Variants in TBC1D14 observed in about 807,000 individuals in gnomAD.
TBC1D14 encodes TBC1 domain family member 14.
A neutral mutation model predicts 79.0 loss-of-function variants in TBC1D14; 26 were observed. That is an observed-to-expected ratio of 0.33 (90% CI 0.24 to 0.46). The LOEUF is 0.46. Ranked by LOEUF, TBC1D14 falls within the 20% of genes least tolerant of loss-of-function variation. TBC1D14 has a pLI of 1.00. For synonymous variants in TBC1D14, 394 were observed against 349.9 expected (o/e 1.13, Z -1.40); for missense variants, 769 against 887.6 (o/e 0.87, Z 1.70).
At chr4:7,002,955 T>A (rs1224505061) in intron 7 of TBC1D14, among the ~76,000 whole-genome samples, 1 of 152,124 alleles carries the variant, frequency 6.6e-6, no homozygotes, top group African/African-American at 2.4e-5. Flanking sequence ...CTCTGGCTCG[T>A]GTGTGTGGGG....
chr4:7,015,233 T>C (rs991455322), intron 12 of TBC1D14, among the ~76,000 whole-genome samples: 1 of 151,656 alleles, frequency 6.6e-6, no homozygotes, highest in Non-Finnish European at 1.5e-5. Flanking sequence ...CGGCGAGTTT[T>C]AAGTTACCTG....
At chr4:7,000,303 C>T (rs1438799438) in intron 6 of TBC1D14, among the ~76,000 whole-genome samples, 2 of 152,200 alleles carry the variant, frequency 1.3e-5, no homozygotes, top group African/African-American at 4.8e-5. Context: ...TTCCCGTCGA[C>T]TGCACACGGA....
At chr4:6,951,963 G>C (rs201392780) in intron 2 of TBC1D14, among the ~76,000 whole-genome samples, 1 of 152,140 alleles carries the variant, frequency 6.6e-6, no homozygotes, top group Non-Finnish European at 1.5e-5. Context: ...TTGGGAAGGA[G>C]ACTGGCGATG....
At chr4:6,996,874 A>C (rs1331734124) in intron 5 of TBC1D14, 2 of 152,520 alleles carry the variant, frequency 1.3e-5, no homozygotes, top group African/African-American at 4.8e-5. Flanking sequence ...ACTAGACTAC[A>C]GAAAGTTTCA....
At position 6,959,503 on chromosome 4, in the gene TBC1D14, G is replaced by A. The variant is rs561197558; in HGVS notation, c.723-7801G>A. On this transcript the variant is annotated intron_variant, in intron 2 of 13. Transcript: ENST00000409757. ...GTGGTCCTCCTGCAGGCTCACAGCC[G>A]GCTGCTGCTGTTTCCAGCAGGGCCC... Among the ~76,000 whole-genome samples the A allele has an allele frequency of 1.2e-3, 180 of 152,220 alleles. 1 individual carries two copies. Among genetic ancestry groups the A allele is most frequent in the Non-Finnish European group, 1.8e-3 (120 of 68,008 alleles).
At chr4:6,996,441 G>T in intron 5 of TBC1D14, 34 bp downstream of exon 5, 1 of 1,500,516 alleles carries the variant, frequency 6.7e-7, no homozygotes, top group East Asian at 2.3e-5. Context: ...GTTAAATCAG[G>T]CAGCACAGGG....
intron 1 of TBC1D14, among the ~76,000 whole-genome samples, chr4:6,919,940 C>T (rs1032469693): frequency 2.0e-5 from 3 of 152,078 alleles, no homozygotes; most frequent in African/African-American, 7.2e-5. Flanking sequence ...TTTGAAATAG[C>T]GTCTCGCTGT....
intron 3 of TBC1D14, among the ~76,000 whole-genome samples, chr4:6,971,399 T>G (rs1178582029): frequency 1.3e-5 from 2 of 152,238 alleles, no homozygotes; most frequent in African/African-American, 2.4e-5. Context: ...CATATGTGGT[T>G]TGCCCAGGAC....
intron 1 of TBC1D14, among the ~76,000 whole-genome samples, chr4:6,914,271 G>A (rs1051023680): frequency 3.3e-5 from 5 of 152,150 alleles, no homozygotes; most frequent in African/African-American, 9.7e-5. Context: ...CTGGTTTGCC[G>A]AAACATACAT....
At chr4:7,014,949 G>A (rs138983470) in intron 12 of TBC1D14, among the ~76,000 whole-genome samples, 9 of 152,352 alleles carry the variant, frequency 5.9e-5, no homozygotes, top group South Asian at 2.1e-4. Context: ...GATGAGTGCC[G>A]TCTTGGAAGG....
intron 3 of TBC1D14, among the ~76,000 whole-genome samples, chr4:6,982,144 A>G (rs1353859562): frequency 6.6e-6 from 1 of 152,224 alleles, no homozygotes; most frequent in Non-Finnish European, 1.5e-5. Flanking sequence ...CCATCGAGAA[A>G]TGAAAACTTA....
intron 13 of TBC1D14, among the ~76,000 whole-genome samples, chr4:7,027,592 C>T (rs1054109381): frequency 2.0e-5 from 3 of 148,218 alleles, no homozygotes; most frequent in Non-Finnish European, 3.0e-5. Context: ...CACCCACCCA[C>T]GCATACAATT....
At chr4:7,027,043 T>A (rs60487791) in intron 13 of TBC1D14, among the ~76,000 whole-genome samples, 45,165 of 151,896 alleles carry the variant, frequency 0.3, 6,814 homozygotes, top group East Asian at 0.35. Context: ...AAAACCCATC[T>A]CTACTAAAAA....
intron 4 of TBC1D14, chr4:6,995,546 TCTGTTGCCCAGG>T (rs1443175168): frequency 1.6e-4 from 24 of 151,932 alleles, no homozygotes; most frequent in African/African-American, 5.3e-4. Context: ...GGAGTCTTGC[TCTGTTGCCCAGG>T]CTGGAGCACA....
chr4:6,923,662 C>G lies in TBC1D14; in HGVS notation c.273C>G (p.Ser91=), dbSNP rs117097571. The part of the protein sequence containing the change: ...CSAVHVRRKQ[S]DSDLIPERAF... ...CGGTCCACGTGAGGAGGAAGCAGTC[C>G]GACTCCGACCTCATCCCCGAGCGGG... The change falls in exon 2 of 14, where the codon TCC becomes TCG. Residue 91 remains serine (S), a synonymous_variant. Coordinates refer to ENST00000409757, the MANE Select transcript of TBC1D14 (RefSeq NM_020773.3). The G allele has an allele frequency of 5.5e-4, 883 of 1,613,816 alleles. 5 individuals carry two copies. The East Asian group carries it at 0.016, about 29-fold the overall frequency.
At chr4:6,918,998 A>G (rs1288314483) in intron 1 of TBC1D14, among the ~76,000 whole-genome samples, 1 of 152,160 alleles carries the variant, frequency 6.6e-6, no homozygotes, top group Admixed American at 6.6e-5. Flanking sequence ...TGGAGGGCTC[A>G]CGGCTCTGGG....
At chr4:7,002,618 G>A (rs564199031) in intron 7 of TBC1D14, among the ~76,000 whole-genome samples, 3 of 152,132 alleles carry the variant, frequency 2.0e-5, no homozygotes, top group South Asian at 2.1e-4. Flanking sequence ...AGTGGCCCCC[G>A]CTAGCACTGG....
chr4:6,987,588 A>G (rs1321844812), intron 3 of TBC1D14: 2 of 400,460 alleles, frequency 5.0e-6, no homozygotes, highest in Non-Finnish European at 8.8e-6. Context: ...CTGTGTTTCC[A>G]CGTATTTTCT....
At chr4:7,000,565 G>C (rs946513842) in intron 6 of TBC1D14, among the ~76,000 whole-genome samples, 1 of 152,232 alleles carries the variant, frequency 6.6e-6, no homozygotes, top group East Asian at 1.9e-4. Context: ...CAGGCTGTTG[G>C]CAGTGTGTGT....
Sources: gnomAD v4.1 joint callset for allele counts (sites outside exome capture counted in the v4.1 genomes callset) on GRCh38, gnomAD v4.1.1 for gene constraint, MANE v1.5 for transcripts, NCBI Gene and HGNC (gene_info 2026-07-23, HGNC 2026-07-21) for gene names.